DLG2: variants seen among roughly 807,000 people sequenced by gnomAD.
DLG2 encodes discs large MAGUK scaffold protein 2, also known as disks large homolog 2.
DLG2 carries 45 observed loss-of-function variants against 132.5 expected under a neutral mutation model. That is an observed-to-expected ratio of 0.34 (90% CI 0.27 to 0.44). The LOEUF (loss-of-function observed/expected upper bound fraction) is 0.44. Ranked by LOEUF, DLG2 falls within the 20% of genes least tolerant of loss-of-function variation. DLG2 has a pLI of 1.00. For missense variants in DLG2, 1,045 were observed against 1,196.9 expected (o/e 0.87, Z 1.87); for synonymous variants, 424 against 419.6 (o/e 1.01, Z -0.13).
intron 6 of DLG2, among the ~76,000 whole-genome samples, chr11:85,018,787 CTTCT>C (rs1282115748): frequency 3.5e-5 from 5 of 143,880 alleles, no homozygotes; most frequent in East Asian, 2.1e-4. Flanking sequence ...GAAAACATGC[CTTCT>C]TTTTTTTTTT....
chr11:84,992,352 G>A (rs1592330713), intron 6 of DLG2, among the ~76,000 whole-genome samples: 1 of 152,130 alleles, frequency 6.6e-6, no homozygotes, highest in East Asian at 1.9e-4. Context: ...TGACAAATAT[G>A]TTCCCAGATC....
intron 4 of DLG2, among the ~76,000 whole-genome samples, chr11:85,187,323 G>T (rs1232844418): frequency 6.6e-6 from 1 of 151,990 alleles, no homozygotes; most frequent in East Asian, 1.9e-4. Flanking sequence ...ATACCTATAT[G>T]AAAAGCCAAA....
At chr11:84,892,640 T>C (rs753380756) in intron 6 of DLG2, among the ~76,000 whole-genome samples, 14 of 152,250 alleles carry the variant, frequency 9.2e-5, no homozygotes, top group Non-Finnish European at 2.1e-4. Context: ...TAAGAGAATT[T>C]TTCTCCTTTA....
intron 3 of DLG2, among the ~76,000 whole-genome samples, chr11:85,590,211 T>G (rs1225444768): frequency 2.6e-5 from 4 of 152,174 alleles, no homozygotes; most frequent in Admixed American, 1.3e-4. Context: ...ATGAAAGAAA[T>G]TTAATGAAGA....
At chr11:84,291,412 A>G (rs1331909029) in intron 7 of DLG2, among the ~76,000 whole-genome samples, 2 of 152,200 alleles carry the variant, frequency 1.3e-5, no homozygotes, top group African/African-American at 2.4e-5. Flanking sequence ...AATGAGTAGT[A>G]TAATTTACAT....
At chr11:83,642,870 GA>G (rs1480091752) in intron 18 of DLG2, among the ~76,000 whole-genome samples, 1 of 151,876 alleles carries the variant, frequency 6.6e-6, no homozygotes, top group Non-Finnish European at 1.5e-5. Flanking sequence ...ATGCAGAATA[GA>G]AAAAAAGTAG....
intron 7 of DLG2, among the ~76,000 whole-genome samples, chr11:84,346,539 C>T (rs1395075707): frequency 2.0e-5 from 3 of 152,200 alleles, no homozygotes; most frequent in Non-Finnish European, 4.4e-5. Context: ...TATTCAAGTG[C>T]TCTTTCCATT....
rs777781126 is a variant in DLG2, at chr11:83,965,456, T to C, written c.1069A>G (p.Ser357Gly). Residue 357 changes from serine (S) to glycine (G), a missense_variant, in exon 13 of 28, where the codon AGT becomes GGT. By Grantham distance (56) the Ser-to-Gly change is moderately conservative. Coordinates refer to ENST00000376104, the MANE Select transcript of DLG2 (RefSeq NM_001142699.3). ...GDRLLMVNNYSLEEVTHEEAV... is the reference protein window; with the variant it reads ...GDRLLMVNNYGLEEVTHEEAV... ...TCTTCGTGTGTTACTTCTTCTAAAC[T>C]GTAGTTGTTTACCTGAAAGGGTGAA... 2.5e-6 allele frequency: 4 copies of C among 1,607,196 alleles called. No individual in the cohort carries two copies. Among genetic ancestry groups the C allele is most frequent in the African/African-American group, 2.7e-5 (2 of 74,606 alleles).
At chr11:84,548,233 G>T (rs752882865) in intron 6 of DLG2, among the ~76,000 whole-genome samples, 7 of 152,012 alleles carry the variant, frequency 4.6e-5, no homozygotes, top group African/African-American at 1.7e-4. Context: ...GAGCAGCTAC[G>T]GAAGCATAAC....
In DLG2 at chr11:84,867,935, G is replaced by A. The variant is rs113334401; in HGVS notation, c.357+243726C>T. Among the ~76,000 whole-genome samples the A allele has an allele frequency of 2.3e-3, 347 of 152,058 alleles. 2 individuals are homozygous for A. Among genetic ancestry groups the A allele is most frequent in the African/African-American group, 8.0e-3 (334 of 41,514 alleles). ...TAAAAATACAAAAAATTAGCCAGGCGTGGTAGCCGGCGCCTGCAGTCCCAG... is the reference window on the plus strand; with the variant it reads ...TAAAAATACAAAAAATTAGCCAGGCATGGTAGCCGGCGCCTGCAGTCCCAG... On this transcript the variant is annotated intron_variant, in intron 6 of 27. Transcript: ENST00000376104.
rs557344947 is a variant in DLG2, at chr11:84,870,031, T to C, written c.357+241630A>G. Among the ~76,000 whole-genome samples the C allele has an allele frequency of 2.0e-5, 3 of 152,314 alleles. No individual in the cohort carries two copies. The East Asian group carries it at 5.8e-4, about 29-fold the overall frequency. ...CTTCCTGGTTTATTGCATGGGTTTTTGAAAACATAAAAGGATAACCCATGA... is the reference window on the plus strand; with the variant it reads ...CTTCCTGGTTTATTGCATGGGTTTTCGAAAACATAAAAGGATAACCCATGA... On this transcript the variant is annotated intron_variant, in intron 6 of 27. Transcript: ENST00000376104.
intron 14 of DLG2, among the ~76,000 whole-genome samples, chr11:83,950,446 T>A (rs1364682052): frequency 1.3e-5 from 2 of 152,040 alleles, no homozygotes; most frequent in Non-Finnish European, 2.9e-5. Flanking sequence ...AATACAAGAT[T>A]AGCTGGGCAT....
chr11:85,391,469 G>T (rs1373603639), intron 3 of DLG2, among the ~76,000 whole-genome samples: 1 of 151,920 alleles, frequency 6.6e-6, no homozygotes, highest in East Asian at 1.9e-4. Context: ...GCAAAACCAG[G>T]AAAGGACATA....
In DLG2 at chr11:83,998,077, A is replaced by C. The variant is rs184504276; in HGVS notation, c.920-17435T>G. On this transcript the variant is annotated intron_variant, in intron 11 of 27. Transcript: ENST00000376104. ...CTTGAACCCGGGAGGTGGAGGTTTCAGTGAGCTGAGATCCCACCACTGCAC... is the reference window on the plus strand; with the variant it reads ...CTTGAACCCGGGAGGTGGAGGTTTCCGTGAGCTGAGATCCCACCACTGCAC... Among the ~76,000 whole-genome samples the C allele has an allele frequency of 5.6e-3, 851 of 152,180 alleles. 5 individuals carry two copies. Among genetic ancestry groups the C allele is most frequent in the African/African-American group, 0.02 (823 of 41,508 alleles).
At chr11:84,944,266 T>C (rs191187583) in intron 6 of DLG2, among the ~76,000 whole-genome samples, 161 of 152,306 alleles carry the variant, frequency 1.1e-3, no homozygotes, top group African/African-American at 3.8e-3. Flanking sequence ...AGTATTGATA[T>C]CTTTCTCTAC....
At chr11:84,733,689 GT>G (rs2063457528) in intron 6 of DLG2, among the ~76,000 whole-genome samples, 1 of 152,124 alleles carries the variant, frequency 6.6e-6, no homozygotes, top group African/African-American at 2.4e-5. Context: ...TGTTTTTGGT[GT>G]TATAGACATG....
At chr11:85,132,797 T>C (rs1417075592) in intron 5 of DLG2, 2 of 456,542 alleles carry the variant, frequency 4.4e-6, no homozygotes, top group Non-Finnish European at 4.4e-6. Flanking sequence ...AGGCAATCCA[T>C]CCTGGATCCC....
intron 3 of DLG2, among the ~76,000 whole-genome samples, chr11:85,567,033 G>A (rs1451653177): frequency 6.6e-6 from 1 of 152,120 alleles, no homozygotes; most frequent in African/African-American, 2.4e-5. Context: ...TGATTTATGT[G>A]TCTATCTTTA....
chr11:83,743,873 G>A (rs551651336), intron 18 of DLG2, among the ~76,000 whole-genome samples: 1 of 152,278 alleles, frequency 6.6e-6, no homozygotes, highest in Non-Finnish European at 1.5e-5. Flanking sequence ...GTTCAATAAA[G>A]GTTGGCTATA....
Sources: allele counts gnomAD v4.1 joint callset (sites outside exome capture counted in the v4.1 genomes callset), GRCh38; gene constraint gnomAD v4.1.1; transcripts MANE v1.5; gene names NCBI Gene and HGNC (gene_info 2026-07-23, HGNC 2026-07-21).